Variants in ADGRL2 observed in about 807,000 individuals in gnomAD.
ADGRL2 encodes the protein calcium-independent alpha-latrotoxin receptor 2.
In ADGRL2, 44 loss-of-function variants were observed where a neutral mutation model predicts 157.4. That is an observed-to-expected ratio of 0.28 (90% CI 0.22 to 0.36). ADGRL2 has a LOEUF of 0.36. Ranked by LOEUF, ADGRL2 falls within the 10% of genes least tolerant of loss-of-function variation. The pLI is 1.00. For synonymous variants in ADGRL2, 585 were observed against 624.7 expected (o/e 0.94, Z 0.95); for missense variants, 1,510 against 1,768.9 (o/e 0.85, Z 2.63).
intron 3 of ADGRL2, among the ~76,000 whole-genome samples, chr1:81,908,874 CTT>C (rs1219053939): frequency 7.6e-5 from 8 of 105,224 alleles, no homozygotes; most frequent in Non-Finnish European, 1.5e-4. Flanking sequence ...TCTTTTTTTT[CTT>C]TCTTTTTTTT....
chr1:81,405,892 T>C (rs1423618482), intron 1 of ADGRL2, among the ~76,000 whole-genome samples: 7 of 152,120 alleles, frequency 4.6e-5, no homozygotes, highest in Admixed American at 1.3e-4. Context: ...TAAAATCCAA[T>C]AAAGTGTTAT....
rs57301400 is a variant in ADGRL2, at chr1:81,341,447, A to AT, written c.-302+34949dup. 7.7e-3 allele frequency among the ~76,000 whole-genome samples: 1,151 copies of AT among 148,962 alleles called. 12 individuals are homozygous for AT. The highest frequency in any genetic ancestry group is 0.023 in the African/African-American group (941 of 40,832). On this transcript the variant is annotated intron_variant, in intron 1 of 24. Coordinates refer to the ADGRL2 transcript ENST00000370721. ...GCTATTTACCTTTCAGAAAACTGTG[A>AT]TTTTTTTTTTTGTTTTTTTATGTAG...
chr1:81,398,241 TG>T (rs1183812425), intron 1 of ADGRL2, among the ~76,000 whole-genome samples: 10 of 151,936 alleles, frequency 6.6e-5, no homozygotes, highest in African/African-American at 9.7e-5. Flanking sequence ...AGCTGAGTCA[TG>T]TTTTTTTTTA....
chr1:81,657,584 C>T (rs563108512), intron 3 of ADGRL2, among the ~76,000 whole-genome samples: 5 of 152,126 alleles, frequency 3.3e-5, no homozygotes, highest in Admixed American at 6.5e-5. Flanking sequence ...GCCCACAAAT[C>T]TCACTTCTCC....
chr1:81,420,384 C>CA (rs796641609), intron 1 of ADGRL2, among the ~76,000 whole-genome samples: 8 of 152,138 alleles, frequency 5.3e-5, no homozygotes, highest in African/African-American at 1.7e-4. Context: ...AAAACTAGAG[C>CA]AAAAAAGCCT....
At chr1:81,814,553 T>G (rs979809921) in intron 1 of ADGRL2, among the ~76,000 whole-genome samples, 14 of 151,562 alleles carry the variant, frequency 9.2e-5, no homozygotes, top group Non-Finnish European at 1.9e-4. Context: ...TGCAAAATTA[T>G]AAACCTGCAT....
intron 2 of ADGRL2, among the ~76,000 whole-genome samples, chr1:81,530,043 A>G (rs79627968): frequency 0.02 from 3,011 of 152,296 alleles, 97 homozygotes; most frequent in African/African-American, 0.069. Flanking sequence ...GATGATGGCT[A>G]CAGGGTTGAA....
rs75581226 is a variant in ADGRL2, at chr1:81,962,025, G to A, written c.2018-4033G>A. Among the ~76,000 whole-genome samples, 1,168 of 152,136 alleles carry A rather than the reference G, an allele frequency of 7.7e-3. 15 individuals carry two copies. The highest frequency in any genetic ancestry group is 0.028 in the African/African-American group (1,145 of 41,510). The stretch of plus-strand genomic sequence containing the variant: ...AATGTGTGCCTTTCTAGACATACAT[G>A]CGCACATACCTGTGTGTGCCTACAC... On this transcript the variant is annotated intron_variant, in intron 11 of 23. Coordinates refer to ENST00000686636, the MANE Select transcript of ADGRL2 (RefSeq NM_001366006.2).
intron 1 of ADGRL2, among the ~76,000 whole-genome samples, chr1:81,360,513 T>C (rs551642131): frequency 1.3e-5 from 2 of 152,092 alleles, no homozygotes; most frequent in Non-Finnish European, 1.5e-5. Context: ...ATTATGAATA[T>C]CTTACTCATC....
intron 1 of ADGRL2, among the ~76,000 whole-genome samples, chr1:81,328,527 C>T (rs991678805): frequency 1.3e-5 from 2 of 152,074 alleles, no homozygotes; most frequent in Admixed American, 6.6e-5. Flanking sequence ...CTCTACCCTA[C>T]CCCAGTAATA....
chr1:81,371,643 G>A (rs1342866156), intron 1 of ADGRL2, among the ~76,000 whole-genome samples: 1 of 152,094 alleles, frequency 6.6e-6, no homozygotes, highest in African/African-American at 2.4e-5. Context: ...TAGTGTAAAG[G>A]TGTAGCCTTA....
At chr1:81,748,315 A>G (rs1424863922) in intron 1 of ADGRL2, among the ~76,000 whole-genome samples, 1 of 151,932 alleles carries the variant, frequency 6.6e-6, no homozygotes, top group East Asian at 2.0e-4. Flanking sequence ...CGTCTCTACT[A>G]AAAATACAAA....
intron 3 of ADGRL2, among the ~76,000 whole-genome samples, chr1:81,928,799 A>G (rs536180161): frequency 7.2e-5 from 11 of 152,208 alleles, no homozygotes; most frequent in African/African-American, 2.4e-4. Flanking sequence ...ACTTGGCACT[A>G]TGAAAAGGAG....
chr1:81,819,946 C>G (rs1166337580), intron 1 of ADGRL2, among the ~76,000 whole-genome samples: 1 of 152,124 alleles, frequency 6.6e-6, no homozygotes, highest in Non-Finnish European at 1.5e-5. Context: ...GCAGCTTTCT[C>G]TTTTGTTACC....
chr1:81,737,955 T>G (rs1273785550), intron 1 of ADGRL2, among the ~76,000 whole-genome samples: 1 of 152,224 alleles, frequency 6.6e-6, no homozygotes, highest in Non-Finnish European at 1.5e-5. Flanking sequence ...TATCCTTTGA[T>G]TCTCTGGATA....
intron 3 of ADGRL2, among the ~76,000 whole-genome samples, chr1:81,642,215 T>C (rs777398185): frequency 4.5e-5 from 6 of 133,082 alleles, no homozygotes; most frequent in Non-Finnish European, 7.7e-5. Flanking sequence ...ACCACTGCAC[T>C]CCAGCCTGGG....
At chr1:81,671,549 G>A (rs377030256) in intron 3 of ADGRL2, among the ~76,000 whole-genome samples, 26 of 150,720 alleles carry the variant, frequency 1.7e-4, no homozygotes, top group East Asian at 3.9e-4. Flanking sequence ...GTTTTGCCCC[G>A]TCGCCCAGAC....
At chr1:81,656,921 G>A (rs142474280) in intron 3 of ADGRL2, among the ~76,000 whole-genome samples, 2,687 of 149,558 alleles carry the variant, frequency 0.018, 30 homozygotes, top group Middle Eastern at 0.053. Flanking sequence ...GAGGTGGGAG[G>A]ATCACCTGAG....
At chr1:81,380,420 T>G (rs1006658606) in intron 1 of ADGRL2, among the ~76,000 whole-genome samples, 2 of 152,258 alleles carry the variant, frequency 1.3e-5, no homozygotes, top group African/African-American at 4.8e-5. Context: ...TTTAATCTTT[T>G]GCAAATTTAT....
Sources: allele counts gnomAD v4.1 joint callset (sites outside exome capture counted in the v4.1 genomes callset), GRCh38; gene constraint gnomAD v4.1.1; transcripts MANE v1.5; gene names NCBI Gene and HGNC (gene_info 2026-07-23, HGNC 2026-07-21).